Variants in NPAS3 observed in about 807,000 individuals in gnomAD.
NPAS3 encodes neuronal PAS domain protein 3.
In NPAS3, 14 loss-of-function variants were observed where a neutral mutation model predicts 73.1. The observed-to-expected ratio is 0.19, with a 90% CI of 0.13 to 0.30. The LOEUF (loss-of-function observed/expected upper bound fraction) is 0.30, where lower values mean the gene tolerates loss of function less well. Among genes scored for constraint, NPAS3 ranks in the 10% least tolerant of loss-of-function variants. The pLI, the probability that NPAS3 is intolerant of heterozygous loss-of-function variation, is 1.00. For synonymous variants in NPAS3, 620 were observed against 541.5 expected (o/e 1.14, Z -2.01); for missense variants, 1,096 against 1,250.0 (o/e 0.88, Z 1.86).
chr14:32,979,627 G>A (rs2037819692), intron 1 of NPAS3, among the ~76,000 whole-genome samples: 2 of 151,956 alleles, frequency 1.3e-5, no homozygotes, highest in Admixed American at 1.3e-4. Flanking sequence ...TCTTTCTTTG[G>A]GCCTGAGGGC....
intron 3 of NPAS3, among the ~76,000 whole-genome samples, chr14:33,273,534 A>G (rs2140023977): frequency 6.6e-6 from 1 of 152,298 alleles, no homozygotes; most frequent in East Asian, 1.9e-4. Flanking sequence ...TGATTTTTTT[A>G]AAGTAAACAT....
intron 9 of NPAS3, 126 bp from the exon 10 acceptor site, chr14:33,793,771 G>T: frequency 2.6e-6 from 2 of 762,464 alleles, no homozygotes; most frequent in South Asian, 2.1e-5. Context: ...AGCATACAGA[G>T]GGTCACCCTG....
chr14:33,080,032 A>G (rs937463352), intron 2 of NPAS3, among the ~76,000 whole-genome samples: 1 of 152,202 alleles, frequency 6.6e-6, no homozygotes, highest in Non-Finnish European at 1.5e-5. Context: ...AGAAAGTTAC[A>G]TATAGTGTTG....
intron 3 of NPAS3, among the ~76,000 whole-genome samples, chr14:33,332,615 A>G (rs1350714737): frequency 6.6e-6 from 1 of 152,186 alleles, no homozygotes; most frequent in African/African-American, 2.4e-5. Context: ...AGGCGTATGA[A>G]TCTCAGGGTA....
At chr14:33,308,527 T>TATAC in intron 3 of NPAS3, among the ~76,000 whole-genome samples, 62 of 103,708 alleles carry the variant, frequency 6.0e-4, no homozygotes, top group Middle Eastern at 4.4e-3. Context: ...TATATATATA[T>TATAC]ACATACACAC....
chr14:33,381,727 C>T (rs1055309360), intron 4 of NPAS3, among the ~76,000 whole-genome samples: 2 of 152,134 alleles, frequency 1.3e-5, no homozygotes, highest in African/African-American at 4.8e-5. Context: ...ATACTTTAAG[C>T]TGTGGTTTCA....
intron 5 of NPAS3, among the ~76,000 whole-genome samples, chr14:33,642,194 T>C (rs2058692664): frequency 1.3e-5 from 2 of 152,212 alleles, no homozygotes; most frequent in South Asian, 4.1e-4. Context: ...TCATTTTCTT[T>C]TCACATCATC....
intron 4 of NPAS3, among the ~76,000 whole-genome samples, chr14:33,485,125 T>TAA (rs2051520276): frequency 6.6e-6 from 1 of 152,244 alleles, no homozygotes; most frequent in East Asian, 1.9e-4. Context: ...TCATGCTAGC[T>TAA]TTCTCATGTA....
At chr14:33,455,921 T>C (rs139678078) in intron 4 of NPAS3, among the ~76,000 whole-genome samples, 1 of 152,364 alleles carries the variant, frequency 6.6e-6, no homozygotes, top group East Asian at 1.9e-4. Flanking sequence ...GCATTTAAAC[T>C]ATCTAGTAAG....
rs71118544 is a variant in NPAS3 at position 33,446,166 on chromosome 14, C to CTTTT, written c.468+78915_468+78918dup. ...CTTCTCTAGGGACACTTCATGCTTT[C>CTTTT]TTTTTTTTTTTTTTTTTTTTGAGAC... is the stretch of plus-strand genomic sequence containing the variant. On this transcript the variant is annotated intron_variant, in intron 4 of 11. Transcript: ENST00000356141. Among the ~76,000 whole-genome samples, 586 of 119,922 alleles carry CTTTT rather than the reference C, an allele frequency of 4.9e-3. 11 individuals are homozygous for CTTTT. The highest frequency in any genetic ancestry group is 0.01 in the East Asian group (36 of 3,526). 78.7% of individuals were successfully genotyped at this position (119,922 alleles called of 152,430 possible).
intron 6 of NPAS3, among the ~76,000 whole-genome samples, chr14:33,679,784 G>C (rs774669682): frequency 6.6e-6 from 1 of 152,150 alleles, no homozygotes; most frequent in African/African-American, 2.4e-5. Flanking sequence ...CTGTCTCTTT[G>C]AACTGTCAGC....
chr14:33,264,509 A>G (rs2049099468), intron 3 of NPAS3, among the ~76,000 whole-genome samples: 1 of 152,158 alleles, frequency 6.6e-6, no homozygotes. Context: ...TCCATTTAAT[A>G]TTATGTACTG....
At chr14:33,717,069 A>G (rs1206678144) in intron 6 of NPAS3, among the ~76,000 whole-genome samples, 3 of 151,282 alleles carry the variant, frequency 2.0e-5, no homozygotes, top group African/African-American at 7.3e-5. Context: ...CAAAGAAGGC[A>G]CTGAGTAGAG....
Position 33,465,695 on chromosome 14 carries a change from ATAC to A in NPAS3, c.469-94423_469-94421del, listed in dbSNP as rs546558945. On this transcript the variant is annotated intron_variant, in intron 4 of 11. Transcript: ENST00000356141. The stretch of plus-strand genomic sequence containing the variant: ...AGGATATAATATGCTTAACTTCTAT[ATAC>A]TAAATAAAAATGGCCATTACGCTCT... Among the ~76,000 whole-genome samples the A allele has an allele frequency of 2.4e-3, 359 of 152,362 alleles. 2 individuals carry two copies. Among genetic ancestry groups the A allele is most frequent in the African/African-American group, 8.1e-3 (337 of 41,574 alleles).
chr14:33,064,080 A>ATTTT (rs2041199323), intron 2 of NPAS3, among the ~76,000 whole-genome samples: 1 of 152,182 alleles, frequency 6.6e-6, no homozygotes, highest in Non-Finnish European at 1.5e-5. Flanking sequence ...ATTGCCTTAA[A>ATTTT]GGAGATCATT....
At chr14:32,977,166 T>G (rs534392158) in intron 1 of NPAS3, among the ~76,000 whole-genome samples, 10 of 151,800 alleles carry the variant, frequency 6.6e-5, no homozygotes, top group Non-Finnish European at 1.5e-4. Context: ...ATTATGAATA[T>G]AGTCCCATAG....
chr14:33,734,668 T>C (rs1156827910), intron 6 of NPAS3, among the ~76,000 whole-genome samples: 1 of 152,202 alleles, frequency 6.6e-6, no homozygotes, highest in East Asian at 1.9e-4. Context: ...TTATTTATGC[T>C]TCTTACTCCC....
intron 4 of NPAS3, among the ~76,000 whole-genome samples, chr14:33,533,185 T>C (rs1206347171): frequency 6.6e-6 from 1 of 152,108 alleles, no homozygotes; most frequent in African/African-American, 2.4e-5. Flanking sequence ...TTTTTAACTA[T>C]GTACAACAAA....
At chr14:33,475,203 G>A (rs558625743) in intron 4 of NPAS3, among the ~76,000 whole-genome samples, 4 of 152,184 alleles carry the variant, frequency 2.6e-5, no homozygotes, top group Admixed American at 6.5e-5. Flanking sequence ...GAAAAGAGAA[G>A]GCCTCAGATT....
Sources: gnomAD v4.1 joint callset for allele counts (sites outside exome capture counted in the v4.1 genomes callset) on GRCh38, gnomAD v4.1.1 for gene constraint, MANE v1.5 for transcripts, NCBI Gene and HGNC (gene_info 2026-07-23, HGNC 2026-07-21) for gene names.